The following PSMD11 variants were observed in gnomAD, a reference collection of about 807,000 sequenced individuals.
PSMD11 encodes the protein proteasome 26S subunit, non-ATPase 11.
PSMD11 carries 5 observed loss-of-function variants against 62.3 expected under a neutral mutation model. The ratio of observed to expected loss-of-function variants is 0.08; its 90% CI spans 0.04 to 0.17. The LOEUF is 0.17. Ranked by LOEUF, PSMD11 falls within the 10% of genes least tolerant of loss-of-function variation. The probability of loss-of-function intolerance (pLI) is 1.00; values close to 1 mark genes in which losing one functional copy is unlikely to be tolerated. For missense variants in PSMD11, 310 were observed against 512.9 expected (o/e 0.60, Z 3.82); for synonymous variants, 191 against 191.8 (o/e 1.00, Z 0.03).
chr17:32,476,738 G>A (rs1406254417), intron 8 of PSMD11: 1 of 152,000 alleles, frequency 6.6e-6, no homozygotes, highest in Non-Finnish European at 1.5e-5. Context: ...TCACTCTGTG[G>A]GGTCTTAACA....
At chr17:32,455,446 A>G (rs2150830843) in intron 3 of PSMD11, among the ~76,000 whole-genome samples, 1 of 152,320 alleles carries the variant, frequency 6.6e-6, no homozygotes, top group South Asian at 2.1e-4. Flanking sequence ...CAAATGTAAA[A>G]TGGCAGATAA....
intron 10 of PSMD11, 31 bp downstream of exon 10, chr17:32,479,407 C>G: frequency 6.2e-7 from 1 of 1,610,480 alleles, no homozygotes; most frequent in Admixed American, 1.7e-5. Context: ...CCATTTCTGG[C>G]CAGGCATTCT....
At position 32,477,526 on chromosome 17, in the gene PSMD11, A is replaced by T; in HGVS notation, c.855A>T (p.Glu285Asp). The T allele has an allele frequency of 1.2e-6, 2 of 1,604,588 alleles. No individual in the cohort carries two copies. The highest frequency in any genetic ancestry group is 1.7e-6 in the Non-Finnish European group (2 of 1,176,016). ...GTTTGTCTCTTTATTCTCAGACAGA[A>T]GCATTAAAATGCGTGGCTCAGGCTA... Reference protein sequence around the residue: ...LALRYAGRQTEALKCVAQASK... With the variant: ...LALRYAGRQTDALKCVAQASK... Residue 285 changes from glutamate (E) to aspartate (D), a missense_variant, in exon 9 of 14, where the codon GAA (glutamate) becomes GAT (aspartate). Glu to Asp is a conservative substitution (Grantham distance 45, BLOSUM62 2). This residue lies in a region of PSMD11 where 135 missense variants were observed against 195.4 expected (regional missense o/e 0.69). Coordinates refer to ENST00000261712, the MANE Select transcript of PSMD11 (RefSeq NM_002815.4).
intron 6 of PSMD11, 22 bp from the exon 7 acceptor site, chr17:32,473,779 T>A: frequency 6.2e-7 from 1 of 1,611,502 alleles, no homozygotes; most frequent in Admixed American, 1.7e-5. Flanking sequence ...TATGTTCTTA[T>A]TCCTTTCTTT....
At chr17:32,465,453 T>C (rs1810173734) in intron 5 of PSMD11, among the ~76,000 whole-genome samples, 1 of 151,936 alleles carries the variant, frequency 6.6e-6, no homozygotes, top group Admixed American at 6.6e-5. Flanking sequence ...GGACTATTTT[T>C]TCCGAACAAA....
intron 6 of PSMD11, among the ~76,000 whole-genome samples, chr17:32,472,572 CTG>C (rs1417174708): frequency 6.6e-6 from 1 of 150,500 alleles, no homozygotes; most frequent in Non-Finnish European, 1.5e-5. Context: ...GAGTCTCACT[CTG>C]TCGCCCAAGT....
intron 5 of PSMD11, among the ~76,000 whole-genome samples, chr17:32,465,905 G>C (rs1037859223): frequency 6.6e-6 from 1 of 152,164 alleles, no homozygotes; most frequent in Non-Finnish European, 1.5e-5. Context: ...AACCCGGGAG[G>C]TGGAGGTTGC....
chr17:32,469,265 G>T, intron 6 of PSMD11, 72 bp downstream of exon 6: 4 of 1,457,988 alleles, frequency 2.7e-6, no homozygotes, highest in Non-Finnish European at 3.7e-6. Context: ...AAGGAATGGG[G>T]GTTGGGGCTG....
chr17:32,475,300 T>C (rs1908284217), intron 8 of PSMD11, among the ~76,000 whole-genome samples: 1 of 151,994 alleles, frequency 6.6e-6, no homozygotes, highest in African/African-American at 2.4e-5. Flanking sequence ...TACTCGTGCT[T>C]TGAATTTTGG....
chr17:32,466,651 GGTATATACCTAGAA>G lies in PSMD11; in HGVS notation c.448+2076_448+2089del, dbSNP rs1426397401. 1.2e-4 allele frequency among the ~76,000 whole-genome samples: 19 copies of G among 152,120 alleles called. 1 individual carries two copies. The highest frequency in any genetic ancestry group is 4.3e-4 in the African/African-American group (18 of 41,478). On this transcript the variant is annotated intron_variant, in intron 5 of 13. Coordinates refer to ENST00000261712, the MANE Select transcript of PSMD11 (RefSeq NM_002815.4). ...GGTTTTATGTGGACATGTTCTTCTG[GGTATATACCTAGAA>G]GTGGAATTATACTGTGTCATGTGGT...
At position 32,464,437 on chromosome 17, in the gene PSMD11, G is replaced by C. The variant is rs1213728857; in HGVS notation, c.391-84G>C. 3.8e-5 allele frequency: 43 copies of C among 1,138,078 alleles called. No homozygotes were observed. In the Admixed American group the frequency reaches 6.6e-4, roughly 17 times the overall value. 70.5% of individuals were successfully genotyped at this position (1,138,078 alleles called of 1,614,324 possible). A position where few individuals can be genotyped will look rare whatever the true frequency, so the allele number is the denominator to read the frequency against. On this transcript the variant is annotated intron_variant, in intron 4 of 13. Coordinates refer to ENST00000261712, the MANE Select transcript of PSMD11 (RefSeq NM_002815.4). ...ATCATCAGAAATTGCATATTTAACA[G>C]TAACAGTTCTGTGACTGTCAATCTT...
intron 2 of PSMD11, among the ~76,000 whole-genome samples, chr17:32,452,007 G>A (rs896664790): frequency 6.6e-6 from 1 of 152,178 alleles, no homozygotes; most frequent in Admixed American, 6.5e-5. Context: ...TAGGATTATA[G>A]GTGTGAGCCA....
Position 32,454,597 on chromosome 17 carries a change from T to A in PSMD11, c.296T>A (p.Met99Lys), listed in dbSNP as rs1454224742. 6.2e-7 allele frequency: 1 copy of A among 1,613,886 alleles called. No homozygotes were observed. The highest frequency in any genetic ancestry group is 8.5e-7 in the Non-Finnish European group (1 of 1,179,940). The part of the protein sequence containing the change: ...VRSLLDLFLD[M>K]EAATGQEVEL... ...TCTCTTCTTGATCTGTTTCTTGATA[T>A]GGAAGCAGCTACAGGGCAGGAGGTA... Residue 99 changes from methionine (M) to lysine (K), a missense_variant, in exon 3 of 14, where the codon ATG (methionine) becomes AAG (lysine). Coordinates refer to ENST00000261712, the MANE Select transcript of PSMD11 (RefSeq NM_002815.4).
intron 1 of PSMD11, 117 bp downstream of exon 1, chr17:32,444,731 G>A (rs1191414889): frequency 7.6e-7 from 1 of 1,309,664 alleles, no homozygotes; most frequent in Non-Finnish European, 1.0e-6. Context: ...CACTGTGTGA[G>A]GGGGGCCGGG....
chr17:32,474,848 TCTG>T (rs1449390781), intron 8 of PSMD11, 24 bp downstream of exon 8: 32 of 1,602,116 alleles, frequency 2.0e-5, no homozygotes, highest in Non-Finnish European at 2.5e-5. Flanking sequence ...TGACTGCAGT[TCTG>T]CTCACTCTGA....
Position 32,480,609 on chromosome 17 carries a change from A to G in PSMD11, c.1247A>G (p.Asn416Ser). Residue 416 changes from asparagine to serine, a missense_variant, in exon 13 of 14, where the codon AAC becomes AGC. By Grantham distance (46) the Asn-to-Ser change is conservative. This residue lies in a region of PSMD11 where 135 missense variants were observed against 195.4 expected (regional missense o/e 0.69). Transcript: ENST00000261712. The stretch of plus-strand genomic sequence containing the variant: ...AGCAAAGTAGTGGATTCCCTCTACA[A>G]CAAAGCCAAGAAACTGACATAGGTG... ...NMSKVVDSLY[N>S]KAKKLT 6.2e-7 allele frequency: 1 copy of G among 1,614,208 alleles called. No homozygotes were observed. The highest frequency in any genetic ancestry group is 1.1e-5 in the South Asian group (1 of 91,082).
intron 8 of PSMD11, among the ~76,000 whole-genome samples, chr17:32,476,089 T>C (rs1908312880): frequency 6.6e-6 from 1 of 151,682 alleles, no homozygotes; most frequent in East Asian, 2.0e-4. Flanking sequence ...TGTGGCAAAA[T>C]CCCAGCTCTA....
intron 3 of PSMD11, among the ~76,000 whole-genome samples, chr17:32,455,250 T>C (rs146245584): frequency 2.6e-5 from 4 of 152,354 alleles, no homozygotes; most frequent in African/African-American, 7.2e-5. Flanking sequence ...GCAGGGTATA[T>C]TGTCATTGCT....
At chr17:32,447,524 G>A (rs1907365488) in intron 2 of PSMD11, among the ~76,000 whole-genome samples, 3 of 152,080 alleles carry the variant, frequency 2.0e-5, no homozygotes, top group African/African-American at 7.2e-5. Flanking sequence ...TTCATACCTA[G>A]GACTTTGTGC....
Sources: gnomAD v4.1 joint callset for allele counts (sites outside exome capture counted in the v4.1 genomes callset) on GRCh38, gnomAD v4.1.1 for gene constraint, gnomAD v4.1.1 regional missense constraint, MANE v1.5 for transcripts, NCBI Gene and HGNC (gene_info 2026-07-23, HGNC 2026-07-21) for gene names.